Variants in ANTXR1 observed in about 807,000 individuals in gnomAD.
ANTXR1 encodes anthrax toxin receptor 1.
ANTXR1 carries 19 observed loss-of-function variants against 78.1 expected under a neutral mutation model. That is an observed-to-expected ratio of 0.24 (90% CI 0.17 to 0.36). ANTXR1 has a LOEUF of 0.36. ANTXR1 is among the 10% of genes least tolerant of loss of function. The pLI is 1.00. For synonymous variants in ANTXR1, 273 were observed against 260.5 expected (o/e 1.05, Z -0.46); for missense variants, 518 against 718.6 (o/e 0.72, Z 3.19).
At chr2:69,216,122 ATTT>A (rs1011991099) in intron 17 of ANTXR1, among the ~76,000 whole-genome samples, 5 of 152,200 alleles carry the variant, frequency 3.3e-5, no homozygotes, top group Admixed American at 2.6e-4. Context: ...CAAAACCAGT[ATTT>A]TTTAGAGTTT....
intron 14 of ANTXR1, among the ~76,000 whole-genome samples, chr2:69,177,663 C>A (rs550726212): frequency 6.6e-6 from 1 of 152,358 alleles, no homozygotes; most frequent in Non-Finnish European, 1.5e-5. Flanking sequence ...CTCCTCGCTT[C>A]TTCCGCGTTA....
rs1374388623 is a variant in ANTXR1, at chr2:69,018,694, C to T, written c.152+5043C>T. Reference sequence around the variant, plus strand: ...CTGGGTTAAGTGACTTGCCCAAGGACCTAGGATTAGATCACGACAGAGCTA... The same window carrying T: ...CTGGGTTAAGTGACTTGCCCAAGGATCTAGGATTAGATCACGACAGAGCTA... On this transcript the variant is annotated intron_variant, in intron 1 of 17. Transcript: ENST00000303714. Among the ~76,000 whole-genome samples, 5 of 152,228 alleles carry T rather than the reference C, an allele frequency of 3.3e-5. No individual in the cohort carries two copies. The East Asian group carries it at 7.7e-4, about 23-fold the overall frequency.
chr2:69,224,438 G>A (rs1675392613), intron 17 of ANTXR1, among the ~76,000 whole-genome samples: 1 of 152,188 alleles, frequency 6.6e-6, no homozygotes. Context: ...GAAGTACCAT[G>A]TCCTGCTGCT....
chr2:69,182,826 CAAT>C, intron 16 of ANTXR1, 166 bp downstream of exon 16: 2 of 864,302 alleles, frequency 2.3e-6, no homozygotes, highest in Non-Finnish European at 1.8e-6. Context: ...ATTACTTTGT[CAAT>C]TTCCACATAA....
rs1271409204 is a variant in ANTXR1, at chr2:69,170,267, C to T, written c.1067C>T (p.Pro356Leu). The change falls in exon 14 of 18, where the codon CCA (proline) becomes CTA (leucine). Residue 356 changes from proline (P) to leucine (L), a missense_variant. Physicochemically the swap from Pro to Leu is moderately conservative, Grantham distance 98 (BLOSUM62 -3). Around this residue, in one of 5 missense-constraint regions of ANTXR1, gnomAD observed 264 missense variants for 391.8 expected, o/e 0.67. Coordinates refer to ENST00000303714, the MANE Select transcript of ANTXR1 (RefSeq NM_032208.3). ...CCTVIIKEVP[P>L]PPAEESEEED... is the part of the protein sequence containing the mutation. ...TTTCAGATTATCAAGGAGGTCCCTC[C>T]ACCCCCTGCCGAGGAGAGTGAGGTA... is the stretch of plus-strand genomic sequence containing the variant. 6.2e-7 allele frequency: 1 copy of T among 1,614,152 alleles called. No individual in the cohort carries two copies. Among genetic ancestry groups the T allele is most frequent in the Admixed American group, 1.7e-5 (1 of 60,030 alleles).
chr2:69,233,095 A>G (rs1675664539), intron 17 of ANTXR1, among the ~76,000 whole-genome samples: 1 of 152,182 alleles, frequency 6.6e-6, no homozygotes, highest in Admixed American at 6.5e-5. Flanking sequence ...ATAAATCAAT[A>G]TCTGTGGCAA....
At chr2:69,088,755 T>C (rs1488260704) in intron 8 of ANTXR1, among the ~76,000 whole-genome samples, 1 of 152,154 alleles carries the variant, frequency 6.6e-6, no homozygotes, top group Non-Finnish European at 1.5e-5. Flanking sequence ...CCGAAAAGAC[T>C]AGATCAACCA....
intron 3 of ANTXR1, among the ~76,000 whole-genome samples, chr2:69,060,632 G>A (rs1670206270): frequency 6.6e-6 from 1 of 152,210 alleles, no homozygotes; most frequent in South Asian, 2.1e-4. Flanking sequence ...AGAGAAGAGA[G>A]CATTGCTTAA....
intron 16 of ANTXR1, among the ~76,000 whole-genome samples, chr2:69,188,410 G>A (rs1329879421): frequency 6.6e-6 from 1 of 152,204 alleles, no homozygotes; most frequent in African/African-American, 2.4e-5. Context: ...CCTCCAGAAT[G>A]CTATGAATGC....
At chr2:69,219,132 G>T (rs965659782) in intron 17 of ANTXR1, among the ~76,000 whole-genome samples, 4 of 152,118 alleles carry the variant, frequency 2.6e-5, no homozygotes, top group African/African-American at 9.7e-5. Flanking sequence ...AGGGCAGCTT[G>T]CCCCAGAGCC....
intron 17 of ANTXR1, among the ~76,000 whole-genome samples, chr2:69,235,483 C>T (rs74630261): frequency 6.6e-6 from 1 of 151,802 alleles, no homozygotes; most frequent in East Asian, 2.0e-4. Context: ...AACCCTGTCT[C>T]TACCAAATAT....
At chr2:69,088,677 G>C (rs1671132821) in intron 8 of ANTXR1, among the ~76,000 whole-genome samples, 1 of 152,156 alleles carries the variant, frequency 6.6e-6, no homozygotes, top group Admixed American at 6.5e-5. Context: ...GGGCTGTCTG[G>C]GATGAATCAC....
chr2:69,053,061 G>A lies in ANTXR1; in HGVS notation c.296+8248G>A, dbSNP rs559624924. Among the ~76,000 whole-genome samples the A allele has an allele frequency of 3.9e-5, 6 of 152,224 alleles. No homozygotes were observed. In the South Asian group the frequency reaches 8.3e-4, roughly 21 times the overall value. On this transcript the variant is annotated intron_variant, in intron 3 of 17. Transcript: ENST00000303714. The stretch of plus-strand genomic sequence containing the variant: ...AAATATAAATTAGAATTGGTTATAT[G>A]TGCTCCCTTGTTTTTTATATGACTT...
At chr2:69,100,365 T>C (rs1671567867) in intron 9 of ANTXR1, among the ~76,000 whole-genome samples, 1 of 152,210 alleles carries the variant, frequency 6.6e-6, no homozygotes, top group African/African-American at 2.4e-5. Flanking sequence ...AGCTCGCCTC[T>C]GCCCTGGTGC....
intron 17 of ANTXR1, among the ~76,000 whole-genome samples, chr2:69,220,644 A>G (rs1195715157): frequency 6.6e-6 from 1 of 152,222 alleles, no homozygotes; most frequent in Non-Finnish European, 1.5e-5. Flanking sequence ...CTTTAAAACA[A>G]CTTTTCAAAA....
In ANTXR1 at chr2:69,123,082, G is replaced by A. The variant is rs1672406551; in HGVS notation, c.868G>A (p.Gly290Ser). ...TCCAGCGCCTATCTTAAAAGAAGTTGGCATGTAAGTTTTCACCAGCAACTG... is the reference window on the plus strand; with the variant it reads ...TCCAGCGCCTATCTTAAAAGAAGTTAGCATGTAAGTTTTCACCAGCAACTG... The part of the protein sequence containing the change: ...LCPAPILKEV[G>S]MKAALQVSMN... The change falls in exon 11 of 18, where the codon GGC becomes AGC. Residue 290 changes from glycine (G) to serine (S), a missense_variant. This residue lies in a region of ANTXR1 where 264 missense variants were observed against 391.8 expected (regional missense o/e 0.67). Coordinates refer to ENST00000303714, the MANE Select transcript of ANTXR1 (RefSeq NM_032208.3). The A allele has an allele frequency of 6.2e-7, 1 of 1,614,046 alleles. No individual in the cohort carries two copies. Among genetic ancestry groups the A allele is most frequent in the Admixed American group, 1.7e-5 (1 of 60,000 alleles).
intron 9 of ANTXR1, among the ~76,000 whole-genome samples, chr2:69,100,359 C>T (rs114050086): frequency 1.7e-3 from 252 of 152,288 alleles, no homozygotes; most frequent in East Asian, 5.2e-3. Flanking sequence ...GATGGGAGCT[C>T]GCCTCTGCCC....
intron 5 of ANTXR1, among the ~76,000 whole-genome samples, chr2:69,072,699 T>A (rs1558516002): frequency 6.6e-6 from 1 of 152,238 alleles, no homozygotes; most frequent in Admixed American, 6.5e-5. Flanking sequence ...GCAACAGTTA[T>A]GTGTCTGCTA....
At position 69,249,252 on chromosome 2, in the gene ANTXR1, G is replaced by C. The variant is rs1337154425; in HGVS notation, c.*3767G>C. ...TCCTGATCATAATACCATGCTATAG[G>C]AGACTGGGCAAAACCTGTACAATGA... On this transcript the variant is annotated 3_prime_UTR_variant, in exon 18 of 18. Coordinates refer to ENST00000303714, the MANE Select transcript of ANTXR1 (RefSeq NM_032208.3). The C allele has an allele frequency of 6.6e-6, 1 of 151,880 alleles. No individual in the cohort carries two copies. Among genetic ancestry groups the C allele is most frequent in the African/African-American group, 2.4e-5 (1 of 41,316 alleles). The allele number at this position is 151,880 out of a possible 1,614,324, so 9.4% of individuals were successfully genotyped here.
Sources: allele counts gnomAD v4.1 joint callset (sites outside exome capture counted in the v4.1 genomes callset), GRCh38; gene constraint gnomAD v4.1.1; regional missense constraint gnomAD v4.1.1; transcripts MANE v1.5; gene names NCBI Gene and HGNC (gene_info 2026-07-23, HGNC 2026-07-21).